Variants in WDPCP observed in about 807,000 individuals in gnomAD.
WDPCP encodes WD repeat-containing and planar cell polarity effector protein fritz homolog.
In WDPCP, 71 loss-of-function variants were observed where a neutral mutation model predicts 93.1. The observed-to-expected ratio is 0.76, with a 90% CI of 0.63 to 0.93. The LOEUF (loss-of-function observed/expected upper bound fraction) is 0.93. Among genes scored for constraint, WDPCP ranks in the 40% least tolerant of loss-of-function variants. The pLI, the probability that WDPCP is intolerant of heterozygous loss-of-function variation, is 0.00. For missense variants in WDPCP, 844 were observed against 887.4 expected (o/e 0.95, Z 0.62); for synonymous variants, 315 against 315.0 (o/e 1.00, Z 0.00).
chr2:63,449,544 G>C (rs12995715), intron 6 of WDPCP, among the ~76,000 whole-genome samples: 38,556 of 151,964 alleles, frequency 0.25, 5,945 homozygotes, highest in East Asian at 0.7. Flanking sequence ...GACCCTGAGG[G>C]GCTTGGTAAT....
intron 14 of WDPCP, among the ~76,000 whole-genome samples, chr2:63,253,834 C>T (rs965431058): frequency 3.3e-5 from 5 of 152,110 alleles, no homozygotes; most frequent in Admixed American, 3.3e-4. Flanking sequence ...CTGGAGATTT[C>T]TCAAAAACTG....
intron 12 of WDPCP, among the ~76,000 whole-genome samples, chr2:63,332,845 G>T (rs1184658767): frequency 6.6e-6 from 1 of 152,096 alleles, no homozygotes; most frequent in Non-Finnish European, 1.5e-5. Flanking sequence ...CTGGCCTCAG[G>T]TGATCCTCCC....
At chr2:63,780,360 C>T (rs957162627) in intron 2 of WDPCP, among the ~76,000 whole-genome samples, 1 of 152,082 alleles carries the variant, frequency 6.6e-6, no homozygotes, top group African/African-American at 2.4e-5. Flanking sequence ...TCCCAGCCAC[C>T]AAAAGAAGCT....
chr2:63,836,003 T>C, the WDPCP span, among the ~76,000 whole-genome samples: 1 of 152,112 alleles, frequency 6.6e-6, no homozygotes. Flanking sequence ...TACAGGCGCC[T>C]GCCACCAAGC....
intron 12 of WDPCP, among the ~76,000 whole-genome samples, chr2:63,330,546 A>AT (rs771840737): frequency 1.4e-3 from 206 of 147,226 alleles, no homozygotes; most frequent in African/African-American, 4.2e-3. Flanking sequence ...CATTTTGCTG[A>AT]TTTTTTTTTT....
At chr2:63,502,690 C>T (rs192784308) in intron 1 of WDPCP, among the ~76,000 whole-genome samples, 1 of 151,838 alleles carries the variant, frequency 6.6e-6, no homozygotes, top group Non-Finnish European at 1.5e-5. Flanking sequence ...TAATATTAAT[C>T]CTTTGTTATG....
At chr2:63,533,942 C>T (rs1007575615) in intron 1 of WDPCP, among the ~76,000 whole-genome samples, 1 of 151,734 alleles carries the variant, frequency 6.6e-6, no homozygotes, top group Non-Finnish European at 1.5e-5. Context: ...TTGAAAAGAT[C>T]AACAAAACAG....
chr2:63,706,522 C>G (rs552451760), intron 2 of WDPCP, among the ~76,000 whole-genome samples: 2 of 146,862 alleles, frequency 1.4e-5, no homozygotes, highest in East Asian at 4.0e-4. Flanking sequence ...ATTTGCTTGT[C>G]TGTAAAGTAT....
rs771867604 is a variant in WDPCP, at chr2:63,437,547, G to C, written c.507C>G (p.Leu169=). The C allele has an allele frequency of 6.3e-7, 1 of 1,586,640 alleles. No individual in the cohort carries two copies. Among genetic ancestry groups the C allele is most frequent in the Non-Finnish European group, 8.6e-7 (1 of 1,166,780 alleles). ...ATGATAAGATGATAAAACTGTCTGT[G>C]AGAAGAGCTAAAAAACATAATTAGA... is the stretch of plus-strand genomic sequence containing the variant. ...LISDTISDAL[L]TDSFIILSFL... is the part of the protein sequence containing the mutation. Residue 169 remains leucine, a synonymous_variant, in exon 8 of 18, where the codon CTC becomes CTG. Coordinates refer to ENST00000272321, the MANE Select transcript of WDPCP (RefSeq NM_015910.7).
chr2:63,310,827 C>G (rs1345981856), intron 13 of WDPCP, among the ~76,000 whole-genome samples: 2 of 152,136 alleles, frequency 1.3e-5, no homozygotes, highest in Non-Finnish European at 2.9e-5. Context: ...CCACTGCATT[C>G]CAACCTAAGT....
At chr2:63,734,436 C>A (rs771659458) in intron 2 of WDPCP, among the ~76,000 whole-genome samples, 1 of 152,108 alleles carries the variant, frequency 6.6e-6, no homozygotes, top group South Asian at 2.1e-4. Flanking sequence ...TTATCTACAT[C>A]TAACTTTCCC....
rs1867848 is a variant in WDPCP at position 63,550,239 on chromosome 2, A to C, written c.75+37958T>G. 0.037 allele frequency among the ~76,000 whole-genome samples: 299 copies of C among 8,154 alleles called. 19 individuals carry two copies. The East Asian group carries it at 0.53, about 15-fold the overall frequency. 5.3% of individuals were successfully genotyped at this position (8,154 alleles called of 152,430 possible). A position where few individuals can be genotyped will look rare whatever the true frequency, so the allele number is the denominator to read the frequency against. On this transcript the variant is annotated intron_variant, in intron 1 of 17. Coordinates refer to ENST00000272321, the MANE Select transcript of WDPCP (RefSeq NM_015910.7). ...CACACACACACACACACACACACAC[A>C]CCCTTCCTCTAATTCCAATGACCAC...
chr2:63,423,132 G>T (rs1050536316), intron 9 of WDPCP, among the ~76,000 whole-genome samples: 4 of 152,156 alleles, frequency 2.6e-5, no homozygotes, highest in African/African-American at 9.7e-5. Flanking sequence ...CACTTGGGTG[G>T]TGGTTTCAGG....
intron 3 of WDPCP, among the ~76,000 whole-genome samples, chr2:63,486,910 G>T (rs1369452455): frequency 6.6e-6 from 1 of 151,952 alleles, no homozygotes; most frequent in African/African-American, 2.4e-5. Flanking sequence ...TCTGTCATCA[G>T]AACCATGAAG....
chr2:63,615,373 T>C (rs527743630), intron 3 of WDPCP, among the ~76,000 whole-genome samples: 92 of 152,222 alleles, frequency 6.0e-4, no homozygotes, highest in African/African-American at 1.9e-3. Context: ...CCGTGCGGGA[T>C]CTACCTCCCC....
chr2:63,293,472 C>A, intron 13 of WDPCP, among the ~76,000 whole-genome samples: 1 of 151,052 alleles, frequency 6.6e-6, no homozygotes, highest in East Asian at 1.9e-4. Context: ...TTTTCAGCAA[C>A]AAAAAATCAT....
chr2:63,812,879 C>A (rs1329884579), intron 2 of WDPCP, among the ~76,000 whole-genome samples: 1 of 151,930 alleles, frequency 6.6e-6, no homozygotes, highest in South Asian at 2.1e-4. Flanking sequence ...AAAAAAATCA[C>A]TTTATTTTTT....
intron 14 of WDPCP, among the ~76,000 whole-genome samples, chr2:63,244,517 G>A (rs1006223776): frequency 4.6e-5 from 7 of 152,012 alleles, no homozygotes; most frequent in Admixed American, 4.6e-4. Flanking sequence ...AGCACAATCC[G>A]AAATGACAAA....
chr2:63,641,745 T>A (rs969401498), intron 3 of WDPCP, among the ~76,000 whole-genome samples: 1 of 152,200 alleles, frequency 6.6e-6, no homozygotes, highest in Admixed American at 6.5e-5. Flanking sequence ...CTAGTAGTTG[T>A]CTCTTCACTT....
Sources: gnomAD v4.1 joint callset for allele counts (sites outside exome capture counted in the v4.1 genomes callset) on GRCh38, gnomAD v4.1.1 for gene constraint, MANE v1.5 for transcripts, NCBI Gene and HGNC (gene_info 2026-07-23, HGNC 2026-07-21) for gene names.